Variants in XIRP2 observed in about 807,000 individuals in gnomAD.
The protein encoded by XIRP2 is xin actin-binding repeat-containing protein 2.
A neutral mutation model predicts 277.0 loss-of-function variants in XIRP2; 236 were observed. The observed-to-expected ratio is 0.85, with a 90% CI of 0.77 to 0.95. The LOEUF (loss-of-function observed/expected upper bound fraction) is 0.95. XIRP2 is among the 40% of genes least tolerant of loss of function. The probability of loss-of-function intolerance (pLI) is 0.00; values close to 1 mark genes in which losing one functional copy is unlikely to be tolerated. For missense variants in XIRP2, 4,640 were observed against 4,157.5 expected (o/e 1.12, Z -3.19); for synonymous variants, 1,490 against 1,416.5 (o/e 1.05, Z -1.17).
rs193177601 is a variant in XIRP2 at position 167,220,041 on chromosome 2, C to A, written c.858+1741C>A. On this transcript the variant is annotated intron_variant, in intron 5 of 10. Coordinates refer to ENST00000409195, the MANE Select transcript of XIRP2 (RefSeq NM_152381.6). ...GAGTACCAGAGCTGGCTTGTATCAACTCTCCAATTATTAAATTTTGGGGAG... is the reference window on the plus strand; with the variant it reads ...GAGTACCAGAGCTGGCTTGTATCAAATCTCCAATTATTAAATTTTGGGGAG... Among the ~76,000 whole-genome samples, 379 of 152,306 alleles carry A rather than the reference C, an allele frequency of 2.5e-3. 2 individuals carry two copies. The highest frequency in any genetic ancestry group is 1.2e-3 in the Non-Finnish European group (81 of 68,026).
intron 2 of XIRP2, among the ~76,000 whole-genome samples, chr2:167,095,298 C>A (rs561654192): frequency 2.5e-4 from 38 of 152,212 alleles, no homozygotes; most frequent in African/African-American, 8.4e-4. Flanking sequence ...ATTTGAATAA[C>A]CTTTATTTCT....
intron 2 of XIRP2, among the ~76,000 whole-genome samples, chr2:167,075,872 C>A (rs1333177973): frequency 6.8e-6 from 1 of 147,540 alleles, no homozygotes; most frequent in Non-Finnish European, 1.5e-5. Context: ...AGGTGGGTTT[C>A]GCCATGTTGG....
intron 2 of XIRP2, among the ~76,000 whole-genome samples, chr2:166,967,570 A>G (rs1455251700): frequency 6.6e-6 from 1 of 151,896 alleles, no homozygotes; most frequent in Non-Finnish European, 1.5e-5. Context: ...ATGTAAAGAA[A>G]TGTATGGCAA....
chr2:167,148,534 G>A (rs1352610316), intron 3 of XIRP2, among the ~76,000 whole-genome samples: 4 of 151,602 alleles, frequency 2.6e-5, no homozygotes, highest in Non-Finnish European at 4.4e-5. Context: ...GTAAAGAAAG[G>A]CATAGAGTAA....
At chr2:166,948,256 A>G (rs1050909976) in intron 2 of XIRP2, among the ~76,000 whole-genome samples, 1 of 152,106 alleles carries the variant, frequency 6.6e-6, no homozygotes, top group Middle Eastern at 3.2e-3. Context: ...CATCTATTAT[A>G]ACTAGTGTAT....
At chr2:166,943,352 G>A (rs781056864) in intron 2 of XIRP2, among the ~76,000 whole-genome samples, 1 of 151,900 alleles carries the variant, frequency 6.6e-6, no homozygotes, top group Non-Finnish European at 1.5e-5. Context: ...CACTTTTTGG[G>A]GACTATCATG....
rs779401246 is a variant in XIRP2 at position 167,248,214 on chromosome 2, C to T, written c.6822C>T (p.Ile2274=). Residue 2274 remains isoleucine, a synonymous_variant, in exon 9 of 11, where the codon ATC becomes ATT. Transcript: ENST00000409195. ...KMAMERSLNP[I]NFNPENNVKE... ...CAATGGAAAGGTCCTTGAATCCAAT[C>T]AACTTTAACCCTGAGAATAATGTAA... is the stretch of plus-strand genomic sequence containing the variant. The T allele has an allele frequency of 1.2e-6, 2 of 1,613,734 alleles. No individual in the cohort carries two copies. Among genetic ancestry groups the T allele is most frequent in the South Asian group, 2.2e-5 (2 of 91,066 alleles).
chr2:167,036,621 AGACTT>A (rs1688513731), intron 2 of XIRP2, among the ~76,000 whole-genome samples: 1 of 152,124 alleles, frequency 6.6e-6, no homozygotes, highest in South Asian at 2.1e-4. Context: ...TTTGGACTGA[AGACTT>A]TTGGGTTAAT....
At chr2:167,026,891 C>T (rs938300425) in intron 2 of XIRP2, among the ~76,000 whole-genome samples, 1 of 152,152 alleles carries the variant, frequency 6.6e-6, no homozygotes, top group Non-Finnish European at 1.5e-5. Context: ...TTCTGACGGG[C>T]TTCCCTTTGT....
intron 2 of XIRP2, among the ~76,000 whole-genome samples, chr2:167,040,443 C>G (rs766906550): frequency 4.6e-5 from 7 of 152,074 alleles, no homozygotes; most frequent in African/African-American, 7.2e-5. Context: ...GTGGCCCACT[C>G]TCACCACAAA....
intron 2 of XIRP2, among the ~76,000 whole-genome samples, chr2:167,039,475 A>G (rs1173284755): frequency 1.3e-5 from 2 of 152,240 alleles, no homozygotes; most frequent in Non-Finnish European, 2.9e-5. Flanking sequence ...GTCAAGAGTA[A>G]GTTACAGAGA....
At chr2:167,058,469 A>AT (rs1341966039) in intron 2 of XIRP2, among the ~76,000 whole-genome samples, 1 of 152,094 alleles carries the variant, frequency 6.6e-6, no homozygotes, top group Admixed American at 6.6e-5. Flanking sequence ...GTTTCTTATG[A>AT]TTTTGTGATT....
chr2:166,941,357 G>T (rs1199021854), intron 2 of XIRP2, among the ~76,000 whole-genome samples: 1 of 152,208 alleles, frequency 6.6e-6, no homozygotes, highest in Non-Finnish European at 1.5e-5. Context: ...GCTTCCCTTG[G>T]CTAGGAAAGG....
intron 3 of XIRP2, among the ~76,000 whole-genome samples, chr2:167,165,550 T>C (rs1392491116): frequency 6.6e-6 from 1 of 152,208 alleles, no homozygotes; most frequent in Non-Finnish European, 1.5e-5. Context: ...ACTGGGTGTA[T>C]AGTGTTCTCT....
At chr2:167,223,163 G>T (rs577688211) in intron 5 of XIRP2, among the ~76,000 whole-genome samples, 1 of 151,734 alleles carries the variant, frequency 6.6e-6, no homozygotes, top group Admixed American at 6.6e-5. Flanking sequence ...GGAGCTCTTT[G>T]TGTATTATTT....
At chr2:167,181,147 C>T (rs1337829225) in intron 3 of XIRP2, among the ~76,000 whole-genome samples, 2 of 152,116 alleles carry the variant, frequency 1.3e-5, no homozygotes, top group Non-Finnish European at 2.9e-5. Flanking sequence ...ATGGTGTGTG[C>T]ATAGGTATAT....
chr2:167,166,873 G>T (rs1692537782), intron 3 of XIRP2, among the ~76,000 whole-genome samples: 1 of 152,064 alleles, frequency 6.6e-6, no homozygotes, highest in South Asian at 2.1e-4. Flanking sequence ...TGGTGTTGTT[G>T]GATTCAACTA....
At chr2:167,149,791 C>G (rs17492384) in intron 3 of XIRP2, among the ~76,000 whole-genome samples, 3,650 of 151,868 alleles carry the variant, frequency 0.024, 59 homozygotes, top group East Asian at 0.048. Flanking sequence ...AATATTTAAA[C>G]TTTGTTCTGT....
At chr2:167,177,002 A>G (rs994005300) in intron 3 of XIRP2, among the ~76,000 whole-genome samples, 34 of 152,190 alleles carry the variant, frequency 2.2e-4, no homozygotes, top group African/African-American at 6.3e-4. Context: ...TCTCTCTTCA[A>G]TCCTTCCACC....
Sources: allele counts gnomAD v4.1 joint callset (sites outside exome capture counted in the v4.1 genomes callset), GRCh38; gene constraint gnomAD v4.1.1; transcripts MANE v1.5; gene names NCBI Gene and HGNC (gene_info 2026-07-23, HGNC 2026-07-21).